The following N4BP1 variants were observed in gnomAD, a reference collection of about 807,000 sequenced individuals.
The protein encoded by N4BP1 is NEDD4 binding protein 1.
A neutral mutation model predicts 70.9 loss-of-function variants in N4BP1; 21 were observed. The ratio of observed to expected loss-of-function variants is 0.30; its 90% CI spans 0.21 to 0.43. N4BP1 has a LOEUF of 0.43. Among genes scored for constraint, N4BP1 ranks in the 20% least tolerant of loss-of-function variants. The pLI is 1.00. For missense variants in N4BP1, 936 were observed against 1,069.4 expected (o/e 0.88, Z 1.74); for synonymous variants, 387 against 394.6 (o/e 0.98, Z 0.23).
At chr16:48,592,047 A>C (rs1047156243) in intron 1 of N4BP1, among the ~76,000 whole-genome samples, 2 of 152,156 alleles carry the variant, frequency 1.3e-5, no homozygotes, top group Non-Finnish European at 2.9e-5. Context: ...TTAATCAAAG[A>C]AGCATGCTCT....
chr16:48,561,663 G>C lies in N4BP1; in HGVS notation c.980C>G (p.Ser327Cys), dbSNP rs1963858550. The change falls in exon 2 of 7, where the codon TCT (serine) becomes TGT (cysteine). Residue 327 changes from serine to cysteine, a missense_variant. Ser to Cys is a moderately radical substitution (Grantham distance 112, BLOSUM62 -1). Around this residue, in one of 4 missense-constraint regions of N4BP1, gnomAD observed 515 missense variants for 491.7 expected, o/e 1.05. Coordinates refer to ENST00000262384, the MANE Select transcript of N4BP1 (RefSeq NM_153029.4). ...AGNVIADLSD[S>C]SADSENLSPD... ...ACTTAAATTTTCAGAATCAGCAGAA[G>C]AATCAGATAGGTCAGCTATTACATT... is the stretch of plus-strand genomic sequence containing the variant. The C allele has an allele frequency of 1.2e-6, 2 of 1,613,280 alleles. No homozygotes were observed. The highest frequency in any genetic ancestry group is 1.7e-5 in the Admixed American group (1 of 59,982).
At chr16:48,566,071 C>A (rs547714548) in intron 1 of N4BP1, among the ~76,000 whole-genome samples, 2 of 152,220 alleles carry the variant, frequency 1.3e-5, no homozygotes, top group East Asian at 3.9e-4. Flanking sequence ...TTTCATTTCA[C>A]TGATTTTCTC....
intron 1 of N4BP1, chr16:48,578,329 G>T (rs1397140383): frequency 6.6e-6 from 1 of 152,350 alleles, no homozygotes; most frequent in Non-Finnish European, 1.5e-5. Context: ...TGCACCCCTT[G>T]CCCCCTCACC....
intron 1 of N4BP1, among the ~76,000 whole-genome samples, chr16:48,607,887 G>A (rs559017567): frequency 1.8e-4 from 28 of 152,188 alleles, no homozygotes; most frequent in South Asian, 8.3e-4. Flanking sequence ...TTGTTGAGAC[G>A]GAGTCTCGTG....
intron 1 of N4BP1, among the ~76,000 whole-genome samples, chr16:48,595,982 T>G (rs1053261602): frequency 6.6e-6 from 1 of 152,234 alleles, no homozygotes; most frequent in African/African-American, 2.4e-5. Context: ...CTGAGGTTCC[T>G]TATGGAACTG....
intron 1 of N4BP1, among the ~76,000 whole-genome samples, chr16:48,609,574 T>A (rs922335164): frequency 1.2e-4 from 18 of 152,090 alleles, no homozygotes; most frequent in Non-Finnish European, 2.5e-4. Flanking sequence ...ACTTTACAAA[T>A]GGGGAAACTG....
intron 1 of N4BP1, among the ~76,000 whole-genome samples, chr16:48,603,426 G>C (rs1472458203): frequency 1.3e-5 from 2 of 151,854 alleles, no homozygotes; most frequent in African/African-American, 2.4e-5. Flanking sequence ...GGGCAGCTGT[G>C]GTCAGTGAAC....
At chr16:48,548,246 A>G in intron 4 of N4BP1, 132 bp from the exon 5 acceptor site, 1 of 630,578 alleles carries the variant, frequency 1.6e-6, no homozygotes, top group South Asian at 2.0e-5. Flanking sequence ...GGCCACAGAA[A>G]AGTTTAGCCC....
intron 1 of N4BP1, among the ~76,000 whole-genome samples, chr16:48,567,865 G>A (rs949183220): frequency 2.6e-5 from 4 of 152,098 alleles, no homozygotes; most frequent in African/African-American, 9.7e-5. Flanking sequence ...AGCTTGTCTG[G>A]AGAATGCCTT....
Position 48,606,420 on chromosome 16 carries a change from C to T in N4BP1, c.198+3355G>A, listed in dbSNP as rs557345398. 3.3e-5 allele frequency among the ~76,000 whole-genome samples: 5 copies of T among 152,322 alleles called. No individual in the cohort carries two copies. In the South Asian group the frequency reaches 1.0e-3, roughly 32 times the overall value. The stretch of plus-strand genomic sequence containing the variant: ...TGACCTTAGCCTGGCATTTTGGTAC[C>T]TCAGCCTTCATCTTTCCCAGGAGCA... On this transcript the variant is annotated intron_variant, in intron 1 of 6. Coordinates refer to ENST00000262384, the MANE Select transcript of N4BP1 (RefSeq NM_153029.4).
At chr16:48,600,547 A>C (rs565605965) in intron 1 of N4BP1, 1 of 583,454 alleles carries the variant, frequency 1.7e-6, no homozygotes, top group Non-Finnish European at 3.3e-6. Context: ...AGGTCAAGCA[A>C]AACATCCATC....
chr16:48,550,757 A>C (rs1373618109), intron 4 of N4BP1, among the ~76,000 whole-genome samples: 3 of 151,832 alleles, frequency 2.0e-5, no homozygotes, highest in African/African-American at 7.3e-5. Context: ...TGCTAAACTA[A>C]AAATACAAAA....
chr16:48,581,248 TA>T (rs57672449), intron 1 of N4BP1, among the ~76,000 whole-genome samples: 167 of 144,980 alleles, frequency 1.2e-3, no homozygotes, highest in East Asian at 2.2e-3. Context: ...CTTTTCATGA[TA>T]AAAAAAAAAA....
chr16:48,565,711 T>C (rs1963932767), intron 1 of N4BP1, among the ~76,000 whole-genome samples: 1 of 152,198 alleles, frequency 6.6e-6, no homozygotes, highest in African/African-American at 2.4e-5. Context: ...ATGTTCATTC[T>C]TTTTTAGACA....
intron 1 of N4BP1, among the ~76,000 whole-genome samples, chr16:48,602,157 G>T (rs965265397): frequency 6.6e-6 from 1 of 152,176 alleles, no homozygotes; most frequent in African/African-American, 2.4e-5. Flanking sequence ...CCAAAAGGCA[G>T]AGGTTGCAGT....
intron 1 of N4BP1, among the ~76,000 whole-genome samples, chr16:48,603,271 G>GTA (rs1964530495): frequency 6.6e-6 from 1 of 151,906 alleles, no homozygotes; most frequent in African/African-American, 2.4e-5. Context: ...TGGGTGCACT[G>GTA]TAACGTCAAT....
chr16:48,554,405 T>G (rs181103209), intron 2 of N4BP1, among the ~76,000 whole-genome samples: 11 of 152,146 alleles, frequency 7.2e-5, no homozygotes, highest in Non-Finnish European at 1.3e-4. Flanking sequence ...ATCCTTGGTA[T>G]AGAGGATTAA....
chr16:48,565,494 C>T (rs1301942849), intron 1 of N4BP1, among the ~76,000 whole-genome samples: 1 of 152,144 alleles, frequency 6.6e-6, no homozygotes, highest in East Asian at 1.9e-4. Flanking sequence ...TGGAATAACC[C>T]CTACATGATT....
rs192385196 is a variant in N4BP1, at chr16:48,556,994, C to A, written c.1890-3325G>T. Among the ~76,000 whole-genome samples the A allele has an allele frequency of 2.3e-3, 352 of 152,260 alleles. 2 individuals are homozygous for A. The highest frequency in any genetic ancestry group is 8.2e-3 in the African/African-American group (339 of 41,518). ...TACTGTGCTGTCTAGCCATACACCA[C>A]AAACAATTTCCACTTACTCATCATT... On this transcript the variant is annotated intron_variant, in intron 2 of 6. Coordinates refer to ENST00000262384, the MANE Select transcript of N4BP1 (RefSeq NM_153029.4).
Sources: gnomAD v4.1 joint callset for allele counts (sites outside exome capture counted in the v4.1 genomes callset) on GRCh38, gnomAD v4.1.1 for gene constraint, gnomAD v4.1.1 regional missense constraint, MANE v1.5 for transcripts, NCBI Gene and HGNC (gene_info 2026-07-23, HGNC 2026-07-21) for gene names.